LCLAT1: variants seen among roughly 807,000 people sequenced by gnomAD.
The protein encoded by LCLAT1 is 1-AGP acyltransferase 8.
LCLAT1 carries 11 observed loss-of-function variants against 30.7 expected under a neutral mutation model. That is an observed-to-expected ratio of 0.36 (90% CI 0.23 to 0.59). LCLAT1 has a LOEUF of 0.59. Ranked by LOEUF, LCLAT1 falls within the 20% of genes least tolerant of loss-of-function variation. The pLI, the probability that LCLAT1 is intolerant of heterozygous loss-of-function variation, is 0.77. For missense variants in LCLAT1, 402 were observed against 458.6 expected (o/e 0.88, Z 1.13); for synonymous variants, 155 against 151.3 (o/e 1.02, Z -0.18).
At chr2:30,500,899 A>C (rs573799437) in intron 1 of LCLAT1, among the ~76,000 whole-genome samples, 23 of 152,142 alleles carry the variant, frequency 1.5e-4, no homozygotes, top group Non-Finnish European at 2.6e-4. Context: ...TCAGGATACC[A>C]ACCATCAGGC....
At chr2:30,556,154 C>G (rs1664908966) in intron 3 of LCLAT1, among the ~76,000 whole-genome samples, 1 of 152,088 alleles carries the variant, frequency 6.6e-6, no homozygotes, top group South Asian at 2.1e-4. Context: ...CATACTATCT[C>G]TGTTGTACCT....
Position 30,640,770 on chromosome 2 carries a change from A to G in LCLAT1, c.*151A>G. 1 of 968,198 alleles carries G rather than the reference A, an allele frequency of 1.0e-6. No individual in the cohort carries two copies. The highest frequency in any genetic ancestry group is 1.7e-5 in the African/African-American group (1 of 60,466). 60.0% of individuals were successfully genotyped at this position (968,198 alleles called of 1,614,324 possible). A position where few individuals can be genotyped will look rare whatever the true frequency, so the allele number is the denominator to read the frequency against. ...GATATTTTGCACTTAATTTTGTGGGAAAAATATTGCTACAATTTTTTTTAA... is the reference window on the plus strand; with the variant it reads ...GATATTTTGCACTTAATTTTGTGGGGAAAATATTGCTACAATTTTTTTTAA... On this transcript the variant is annotated 3_prime_UTR_variant, in exon 6 of 6. Coordinates refer to ENST00000379509, the MANE Select transcript of LCLAT1 (RefSeq NM_001002257.3).
At chr2:30,584,237 G>C (rs1188505422) in intron 5 of LCLAT1, among the ~76,000 whole-genome samples, 1 of 152,170 alleles carries the variant, frequency 6.6e-6, no homozygotes, top group African/African-American at 2.4e-5. Flanking sequence ...AGATTCCTCA[G>C]TGTTGTAGTT....
chr2:30,476,351 G>A, intron 1 of LCLAT1: 1 of 456,426 alleles, frequency 2.2e-6, no homozygotes, highest in Non-Finnish European at 4.4e-6. Context: ...AATAATAGTG[G>A]GTAGGAGGTG....
chr2:30,518,583 T>G (rs928073430), intron 1 of LCLAT1, among the ~76,000 whole-genome samples: 1 of 152,114 alleles, frequency 6.6e-6, no homozygotes, highest in Non-Finnish European at 1.5e-5. Context: ...TACTCCAATT[T>G]TAGGAGTGCA....
chr2:30,539,003 A>G (rs1449588802), intron 3 of LCLAT1, among the ~76,000 whole-genome samples: 1 of 146,726 alleles, frequency 6.8e-6, no homozygotes, highest in Non-Finnish European at 1.5e-5. Context: ...TCTGTCACCC[A>G]GGCTGGAGTG....
At chr2:30,538,729 G>T (rs528299961) in intron 3 of LCLAT1, among the ~76,000 whole-genome samples, 14 of 151,848 alleles carry the variant, frequency 9.2e-5, no homozygotes, top group African/African-American at 3.1e-4. Flanking sequence ...AAATACAAAA[G>T]ATCATTAGAG....
chr2:30,611,265 C>T (rs1390080950), intron 5 of LCLAT1, among the ~76,000 whole-genome samples: 1 of 151,924 alleles, frequency 6.6e-6, no homozygotes, highest in African/African-American at 2.4e-5. Context: ...TCTATGAAAC[C>T]AAAGCATATA....
chr2:30,638,135 T>A (rs1388690723), intron 5 of LCLAT1, among the ~76,000 whole-genome samples: 2 of 152,242 alleles, frequency 1.3e-5, no homozygotes, highest in Non-Finnish European at 2.9e-5. Flanking sequence ...GCCTGGTTCT[T>A]ACCCTAAAGT....
chr2:30,525,366 G>T (rs1023344967), intron 1 of LCLAT1, among the ~76,000 whole-genome samples: 5 of 152,058 alleles, frequency 3.3e-5, no homozygotes, highest in Non-Finnish European at 7.4e-5. Flanking sequence ...GTGAGTCGCC[G>T]CACCCGACCA....
At chr2:30,525,482 C>G in intron 1 of LCLAT1, 105 bp from the exon 2 acceptor site, 1 of 866,278 alleles carries the variant, frequency 1.2e-6, no homozygotes. Flanking sequence ...TAGAGCCTTT[C>G]TGTAGCCCTA....
At chr2:30,628,854 C>T (rs998820798) in intron 5 of LCLAT1, among the ~76,000 whole-genome samples, 7 of 152,072 alleles carry the variant, frequency 4.6e-5, no homozygotes, top group Non-Finnish European at 8.8e-5. Flanking sequence ...GACTGACAGA[C>T]AAAACTAGGA....
intron 1 of LCLAT1, among the ~76,000 whole-genome samples, chr2:30,497,549 C>T (rs1684178769): frequency 6.6e-6 from 1 of 152,108 alleles, no homozygotes; most frequent in African/African-American, 2.4e-5. Context: ...GTAATTTACT[C>T]ATTTGTAGCA....
chr2:30,613,393 G>A (rs1165527107), intron 5 of LCLAT1, among the ~76,000 whole-genome samples: 1 of 152,132 alleles, frequency 6.6e-6, no homozygotes, highest in East Asian at 1.9e-4. Context: ...AATAATGCAG[G>A]AAAGAGAAGT....
chr2:30,550,454 T>C (rs2148422586), intron 3 of LCLAT1, among the ~76,000 whole-genome samples: 1 of 152,338 alleles, frequency 6.6e-6, no homozygotes, highest in East Asian at 1.9e-4. Context: ...TAGTCTTTTC[T>C]TGCTTTTCAT....
intron 5 of LCLAT1, among the ~76,000 whole-genome samples, chr2:30,608,266 A>T (rs1667555206): frequency 6.6e-6 from 1 of 150,494 alleles, no homozygotes. Context: ...TGTTGCTTGC[A>T]CTCCAGCCTG....
At chr2:30,543,765 T>G (rs542693108) in intron 3 of LCLAT1, among the ~76,000 whole-genome samples, 36 of 152,258 alleles carry the variant, frequency 2.4e-4, no homozygotes, top group Non-Finnish European at 4.4e-4. Context: ...TTTCTCACTT[T>G]TCTTGTTCAA....
At chr2:30,493,320 T>C (rs2148330275) in intron 1 of LCLAT1, among the ~76,000 whole-genome samples, 1 of 152,358 alleles carries the variant, frequency 6.6e-6, no homozygotes, top group South Asian at 2.1e-4. Context: ...AATGTTGATA[T>C]ATCAATATAA....
At chr2:30,595,091 T>G (rs975686325) in intron 5 of LCLAT1, among the ~76,000 whole-genome samples, 1 of 152,168 alleles carries the variant, frequency 6.6e-6, no homozygotes, top group African/African-American at 2.4e-5. Flanking sequence ...ATTTATTATG[T>G]ATCCTTTATT....
Sources: allele counts gnomAD v4.1 joint callset (sites outside exome capture counted in the v4.1 genomes callset), GRCh38; gene constraint gnomAD v4.1.1; transcripts MANE v1.5; gene names NCBI Gene and HGNC (gene_info 2026-07-23, HGNC 2026-07-21).